ITGAV: variants seen among roughly 807,000 people sequenced by gnomAD.
ITGAV encodes integrin subunit alpha V.
Under a neutral mutation model 143.8 loss-of-function variants are expected in ITGAV, and 76 were observed. The ratio of observed to expected loss-of-function variants is 0.53; its 90% CI spans 0.44 to 0.64. The LOEUF (loss-of-function observed/expected upper bound fraction) is 0.64. Among genes scored for constraint, ITGAV ranks in the 30% least tolerant of loss-of-function variants. ITGAV has a pLI of 0.00. For synonymous variants in ITGAV, 453 were observed against 446.7 expected, an observed-to-expected ratio of 1.01 and a Z score of -0.18; for missense variants, 1,193 against 1,274.7, an observed-to-expected ratio of 0.94 and a Z score of 0.98.
At chr2:186,653,897 A>T (rs879618750) in intron 15 of ITGAV, among the ~76,000 whole-genome samples, 1 of 152,216 alleles carries the variant, frequency 6.6e-6, no homozygotes, top group South Asian at 2.1e-4. Flanking sequence ...TTTATTTATT[A>T]AAAAATTTTT....
At chr2:186,620,080 C>A (rs1248713710) in intron 2 of ITGAV, among the ~76,000 whole-genome samples, 1 of 152,198 alleles carries the variant, frequency 6.6e-6, no homozygotes, top group African/African-American at 2.4e-5. Context: ...ACTCACAATT[C>A]TCTTAAAAAA....
intron 12 of ITGAV, 192 bp downstream of exon 12, chr2:186,641,780 A>C: frequency 1.7e-6 from 1 of 582,214 alleles, no homozygotes; most frequent in Non-Finnish European, 3.1e-6. Context: ...AAAGATTTCA[A>C]TAATGGACTC....
In ITGAV at chr2:186,676,866, G is replaced by C; in HGVS notation, c.2982G>C (p.Val994=). Residue 994 remains valine (V), a synonymous_variant, in exon 29 of 30, where the codon GTG becomes GTC. Transcript: ENST00000261023. The stretch of plus-strand genomic sequence containing the variant: ...AGCCAGCGCCCATGCCTGTGCCTGT[G>C]TGGGTGATCATTTTAGCAGTTCTAG... The part of the protein sequence containing the change: ...GIQPAPMPVP[V]WVIILAVLAG... The C allele has an allele frequency of 2.5e-6, 4 of 1,614,142 alleles. No homozygotes were observed. Among genetic ancestry groups the C allele is most frequent in the Non-Finnish European group, 3.4e-6 (4 of 1,179,994 alleles).
At chr2:186,605,245 C>G (rs1687027071) in intron 2 of ITGAV, among the ~76,000 whole-genome samples, 1 of 152,148 alleles carries the variant, frequency 6.6e-6, no homozygotes, top group Non-Finnish European at 1.5e-5. Flanking sequence ...GGGATTAAAA[C>G]AATGAGCTCA....
chr2:186,616,363 C>T (rs1019181043), intron 2 of ITGAV, among the ~76,000 whole-genome samples: 1 of 149,340 alleles, frequency 6.7e-6, no homozygotes, highest in African/African-American at 2.5e-5. Context: ...ACTGCAAGCT[C>T]CGCCTCCCGG....
intron 12 of ITGAV, 78 bp downstream of exon 12, chr2:186,641,666 A>C (rs571615317): frequency 1.7e-6 from 2 of 1,166,912 alleles, no homozygotes; most frequent in African/African-American, 1.5e-5. Context: ...CCATCTGTAG[A>C]AGTCTACACG....
chr2:186,640,894 C>T, intron 10 of ITGAV, 21 bp from the exon 11 acceptor site: 3 of 1,566,610 alleles, frequency 1.9e-6, no homozygotes, highest in Non-Finnish European at 2.6e-6. Flanking sequence ...ATAAACATTT[C>T]ATTTTCATCT....
chr2:186,677,172 A>G (rs1312529323), intron 29 of ITGAV, 25 bp from the exon 30 acceptor site: 1 of 1,595,802 alleles, frequency 6.3e-7, no homozygotes. Context: ...TGTGACAGTA[A>G]TAATGGTTTT....
chr2:186,674,760 C>T (rs1377139602), intron 26 of ITGAV, among the ~76,000 whole-genome samples: 2 of 152,126 alleles, frequency 1.3e-5, no homozygotes, highest in Non-Finnish European at 2.9e-5. Context: ...GATACGCCTG[C>T]CTCAGCCTCC....
intron 11 of ITGAV, 88 bp from the exon 12 acceptor site, chr2:186,641,298 G>T: frequency 1.0e-6 from 1 of 995,566 alleles, no homozygotes; most frequent in East Asian, 2.4e-5. Context: ...GATGCAGAAA[G>T]AGGAAAAGTG....
At position 186,602,127 on chromosome 2, in the gene ITGAV, C is replaced by A; in HGVS notation, c.292C>A (p.Gln98Lys). ...KCDWSSTRRC[Q>K]PIEFDATGNR... is the part of the protein sequence containing the mutation. ...TGACTGGTCTTCTACCCGCCGGTGC[C>A]AGCCAATTGAATTTGATGCAACAGG... Residue 98 changes from glutamine to lysine, a missense_variant, in exon 2 of 30, where the codon CAG becomes AAG. By Grantham distance (53) the Gln-to-Lys change is moderately conservative. Coordinates refer to ENST00000261023, the MANE Select transcript of ITGAV (RefSeq NM_002210.5). The A allele has an allele frequency of 3.1e-6, 5 of 1,611,060 alleles. No individual in the cohort carries two copies. Among genetic ancestry groups the A allele is most frequent in the Non-Finnish European group, 4.2e-6 (5 of 1,178,552 alleles).
At chr2:186,660,551 G>A (rs1405889178) in intron 18 of ITGAV, 6 of 152,030 alleles carry the variant, frequency 3.9e-5, no homozygotes, top group Middle Eastern at 3.2e-3. Flanking sequence ...CACTGGTTAC[G>A]TTACAAACTC....
Position 186,678,430 on chromosome 2 carries a change from A to G in ITGAV, c.*1138A>G, listed in dbSNP as rs1004313859. On this transcript the variant is annotated 3_prime_UTR_variant, in exon 30 of 30. Coordinates refer to ENST00000261023, the MANE Select transcript of ITGAV (RefSeq NM_002210.5). ...TAAGGCAACTCACTGATTTACTTCTAGCAATAGCATGATGTTACAGGAATA... is the reference window on the plus strand; with the variant it reads ...TAAGGCAACTCACTGATTTACTTCTGGCAATAGCATGATGTTACAGGAATA... 1 of 180,008 alleles carries G rather than the reference A, an allele frequency of 5.6e-6. No individual in the cohort carries two copies. The highest frequency in any genetic ancestry group is 1.2e-5 in the Non-Finnish European group (1 of 85,898). The allele number at this position is 180,008 out of a possible 1,614,324, so 11.2% of individuals were successfully genotyped here.
chr2:186,671,421 C>G (rs1157340861), intron 26 of ITGAV, among the ~76,000 whole-genome samples: 2 of 152,064 alleles, frequency 1.3e-5, no homozygotes, highest in Non-Finnish European at 2.9e-5. Flanking sequence ...GAAAATTGCT[C>G]TTCCATCTGC....
intron 17 of ITGAV, 80 bp from the exon 18 acceptor site, chr2:186,658,958 G>C: frequency 2.0e-6 from 2 of 1,011,594 alleles, no homozygotes; most frequent in Non-Finnish European, 2.9e-6. Flanking sequence ...AATACAGCTG[G>C]CTTTGTAATG....
At chr2:186,591,531 A>G (rs1339829269) in intron 1 of ITGAV, among the ~76,000 whole-genome samples, 3 of 152,190 alleles carry the variant, frequency 2.0e-5, no homozygotes, top group Non-Finnish European at 4.4e-5. Context: ...TTTTGTTTCC[A>G]TATTTTCTGT....
intron 3 of ITGAV, among the ~76,000 whole-genome samples, chr2:186,622,999 G>A (rs1329963858): frequency 1.3e-5 from 2 of 152,124 alleles, no homozygotes; most frequent in East Asian, 1.9e-4. Context: ...CCTGACCTCA[G>A]GTGAGCCACC....
intron 4 of ITGAV, among the ~76,000 whole-genome samples, chr2:186,626,834 A>G (rs1288424004): frequency 2.0e-5 from 3 of 152,198 alleles, no homozygotes; most frequent in Non-Finnish European, 2.9e-5. Context: ...CTTGGATGCC[A>G]TCTGTACTGC....
At position 186,602,138 on chromosome 2, in the gene ITGAV, A is replaced by T. The variant is rs1481264488; in HGVS notation, c.303A>T (p.Glu101Asp). 1 of 1,607,036 alleles carries T rather than the reference A, an allele frequency of 6.2e-7. No homozygotes were observed. The highest frequency in any genetic ancestry group is 1.1e-5 in the South Asian group (1 of 88,844). Residue 101 changes from glutamate to aspartate, a missense_variant, in exon 2 of 30, where the codon GAA (glutamate) becomes GAT (aspartate). Coordinates refer to ENST00000261023, the MANE Select transcript of ITGAV (RefSeq NM_002210.5). ...WSSTRRCQPIEFDATGNRDYA... is the reference protein window; with the variant it reads ...WSSTRRCQPIDFDATGNRDYA... ...CTACCCGCCGGTGCCAGCCAATTGA[A>T]TTTGATGCAACAGGTAAATTTTGAT...
Sources: gnomAD v4.1 joint callset for allele counts (sites outside exome capture counted in the v4.1 genomes callset) on GRCh38, gnomAD v4.1.1 for gene constraint, MANE v1.5 for transcripts, NCBI Gene and HGNC (gene_info 2026-07-23, HGNC 2026-07-21) for gene names.